Variants in LPAR1 observed in about 807,000 individuals in gnomAD.
The protein encoded by LPAR1 is LPA receptor 1.
LPAR1 carries 5 observed loss-of-function variants against 23.8 expected under a neutral mutation model. That is an observed-to-expected ratio of 0.21 (90% CI 0.11 to 0.44). The LOEUF (loss-of-function observed/expected upper bound fraction) is 0.44, where lower values mean the gene tolerates loss of function less well. Among genes scored for constraint, LPAR1 ranks in the 20% least tolerant of loss-of-function variants. The probability of loss-of-function intolerance (pLI) is 0.99; values close to 1 mark genes in which losing one functional copy is unlikely to be tolerated. For synonymous variants in LPAR1, 160 were observed against 164.7 expected (o/e 0.97, Z 0.22); for missense variants, 311 against 482.8 (o/e 0.64, Z 3.33).
At chr9:111,016,769 G>A (rs2097456023) in intron 2 of LPAR1, among the ~76,000 whole-genome samples, 1 of 152,238 alleles carries the variant, frequency 6.6e-6, no homozygotes, top group Admixed American at 6.5e-5. Context: ...ACTCCACAAA[G>A]AATGTGGAAT....
chr9:110,960,619 G>A lies in LPAR1; in HGVS notation c.45+11454C>T, dbSNP rs374845891. 5.3e-4 allele frequency among the ~76,000 whole-genome samples: 80 copies of A among 152,122 alleles called. No individual in the cohort carries two copies. In the South Asian group the frequency reaches 0.014, roughly 27 times the overall value. On this transcript the variant is annotated intron_variant, in intron 4 of 5. Coordinates refer to ENST00000683809, the MANE Select transcript of LPAR1 (RefSeq NM_001351411.2). ...GTTATTGCATTATAACTCCCTGTAA[G>A]CATTTCATTTTGCTTAATTTTTTTT...
In LPAR1 at chr9:110,925,141, G is replaced by A. The variant is rs142127065; in HGVS notation, c.793+16280C>T. On this transcript the variant is annotated intron_variant, in intron 5 of 5. Coordinates refer to ENST00000683809, the MANE Select transcript of LPAR1 (RefSeq NM_001351411.2). ...GAATTGGTTTGTATATAGTTGCAGT[G>A]CTCTTTATGGCACCCAAGGAGACAA... is the stretch of plus-strand genomic sequence containing the variant. Among the ~76,000 whole-genome samples the A allele has an allele frequency of 5.9e-5, 9 of 152,100 alleles. No individual in the cohort carries two copies. The East Asian group carries it at 1.7e-3, about 29-fold the overall frequency.
At chr9:111,023,053 C>CAAAA (rs35394780) in intron 2 of LPAR1, among the ~76,000 whole-genome samples, 114 of 56,502 alleles carry the variant, frequency 2.0e-3, no homozygotes, top group African/African-American at 3.6e-3. Flanking sequence ...TCCGTCTCAA[C>CAAAA]AAAAAAAAAA....
chr9:110,915,074 CT>C (rs1423498273), intron 5 of LPAR1, among the ~76,000 whole-genome samples: 2 of 152,076 alleles, frequency 1.3e-5, no homozygotes, highest in South Asian at 2.1e-4. Flanking sequence ...AGACATTGTC[CT>C]TAAGGATAAT....
chr9:110,924,589 C>T (rs1484038890), intron 5 of LPAR1, among the ~76,000 whole-genome samples: 1 of 151,348 alleles, frequency 6.6e-6, no homozygotes, highest in East Asian at 1.9e-4. Flanking sequence ...TCTAGCTACT[C>T]AGGAGGCTGA....
chr9:110,892,469 G>A (rs1360792930), intron 5 of LPAR1, among the ~76,000 whole-genome samples: 3 of 152,022 alleles, frequency 2.0e-5, no homozygotes, highest in Non-Finnish European at 4.4e-5. Context: ...TTTGAGACCA[G>A]CCTGACCAAC....
intron 5 of LPAR1, among the ~76,000 whole-genome samples, chr9:110,900,086 TCA>T (rs1252913184): frequency 1.3e-5 from 2 of 152,240 alleles, no homozygotes; most frequent in Non-Finnish European, 2.9e-5. Context: ...TAACAAATTA[TCA>T]CAAAACTTTG....
chr9:111,020,799 A>G (rs2097546966), intron 2 of LPAR1, among the ~76,000 whole-genome samples: 1 of 152,132 alleles, frequency 6.6e-6, no homozygotes, highest in African/African-American at 2.4e-5. Context: ...TGGTTTCCAT[A>G]TAATAATCAG....
At chr9:110,983,475 T>C (rs1368786619) in intron 2 of LPAR1, among the ~76,000 whole-genome samples, 2 of 152,114 alleles carry the variant, frequency 1.3e-5, no homozygotes, top group East Asian at 3.9e-4. Flanking sequence ...AGTACAGTAG[T>C]ACTTGCCAGG....
chr9:110,995,166 C>T (rs1447828481), intron 2 of LPAR1, among the ~76,000 whole-genome samples: 1 of 152,078 alleles, frequency 6.6e-6, no homozygotes, highest in Non-Finnish European at 1.5e-5. Flanking sequence ...CTTCTGCCTA[C>T]CAGTGAGACT....
chr9:111,033,576 A>T (rs2097842161), intron 2 of LPAR1, among the ~76,000 whole-genome samples: 1 of 152,138 alleles, frequency 6.6e-6, no homozygotes, highest in Admixed American at 6.6e-5. Flanking sequence ...TTTGAGATGG[A>T]GTCTCACTCT....
chr9:110,913,456 A>G (rs1256805287), intron 5 of LPAR1, among the ~76,000 whole-genome samples: 1 of 152,214 alleles, frequency 6.6e-6, no homozygotes, highest in Non-Finnish European at 1.5e-5. Context: ...TTTGTTTCTA[A>G]AAGTCTCTAA....
intron 5 of LPAR1, among the ~76,000 whole-genome samples, chr9:110,914,086 C>T (rs1564449783): frequency 6.6e-6 from 1 of 152,146 alleles, no homozygotes; most frequent in Non-Finnish European, 1.5e-5. Flanking sequence ...CAACTCTTCC[C>T]AGGAGAAAGC....
chr9:110,920,293 G>A (rs896162014), intron 5 of LPAR1, among the ~76,000 whole-genome samples: 14 of 152,130 alleles, frequency 9.2e-5, no homozygotes, highest in African/African-American at 3.4e-4. Flanking sequence ...GCATTTTTCT[G>A]TCAACTGGAA....
chr9:110,991,343 C>T (rs1265600641), intron 2 of LPAR1, among the ~76,000 whole-genome samples: 1 of 152,162 alleles, frequency 6.6e-6, no homozygotes, highest in Admixed American at 6.5e-5. Context: ...GGGCCTCCCA[C>T]CCTCCAGCTC....
intron 2 of LPAR1, among the ~76,000 whole-genome samples, chr9:111,014,370 A>T (rs2097395800): frequency 6.6e-6 from 1 of 152,136 alleles, no homozygotes; most frequent in Non-Finnish European, 1.5e-5. Context: ...AATCCCCTAA[A>T]GGAACTCCCC....
chr9:110,885,061 G>A (rs1423114568), intron 5 of LPAR1, among the ~76,000 whole-genome samples: 6 of 152,180 alleles, frequency 3.9e-5, no homozygotes, highest in South Asian at 2.1e-4. Flanking sequence ...GAGGGCAGGC[G>A]ATCAGATTTT....
intron 1 of LPAR1, among the ~76,000 whole-genome samples, chr9:111,036,664 G>C (rs1280057497): frequency 6.6e-6 from 1 of 152,154 alleles, no homozygotes; most frequent in African/African-American, 2.4e-5. Flanking sequence ...GCCGCTAGGG[G>C]ACGTGGTGTA....
At chr9:110,956,899 T>A (rs2095776762) in intron 4 of LPAR1, among the ~76,000 whole-genome samples, 1 of 152,078 alleles carries the variant, frequency 6.6e-6, no homozygotes, top group Admixed American at 6.6e-5. Flanking sequence ...TTCCAAAATA[T>A]CAAAGGGAGG....
Sources: gnomAD v4.1 joint callset for allele counts (sites outside exome capture counted in the v4.1 genomes callset) on GRCh38, gnomAD v4.1.1 for gene constraint, MANE v1.5 for transcripts, NCBI Gene and HGNC (gene_info 2026-07-23, HGNC 2026-07-21) for gene names.